The following NT5DC1 variants were observed in gnomAD, a reference collection of about 807,000 sequenced individuals.
The protein encoded by NT5DC1 is 5'-nucleotidase domain containing 1.
A neutral mutation model predicts 59.4 loss-of-function variants in NT5DC1; 42 were observed. The ratio of observed to expected loss-of-function variants is 0.71; its 90% confidence interval spans 0.55 to 0.92. The LOEUF is 0.92. NT5DC1 is among the 40% of genes least tolerant of loss of function. The probability of loss-of-function intolerance (pLI) is 0.00; values close to 1 mark genes in which losing one functional copy is unlikely to be tolerated. For synonymous variants in NT5DC1, 172 were observed against 188.1 expected (o/e 0.91, Z 0.70); for missense variants, 501 against 537.1 (o/e 0.93, Z 0.66).
intron 6 of NT5DC1, among the ~76,000 whole-genome samples, chr6:116,178,244 C>T (rs1401565698): frequency 6.6e-6 from 1 of 152,046 alleles, no homozygotes; most frequent in African/African-American, 2.4e-5. Flanking sequence ...CCTAGGGGAC[C>T]TCTCTCCCAT....
At chr6:116,182,769 G>T (rs550192750) in intron 6 of NT5DC1, among the ~76,000 whole-genome samples, 2 of 152,006 alleles carry the variant, frequency 1.3e-5, no homozygotes, top group East Asian at 1.9e-4. Context: ...TGAGTTCCTT[G>T]TAGAGTCTAG....
intron 6 of NT5DC1, among the ~76,000 whole-genome samples, chr6:116,189,527 G>A (rs767446105): frequency 3.9e-5 from 6 of 151,928 alleles, no homozygotes; most frequent in Non-Finnish European, 5.9e-5. Flanking sequence ...AGACACAAAT[G>A]AACATATAAA....
chr6:116,110,464 G>A (rs572472079), intron 3 of NT5DC1, among the ~76,000 whole-genome samples: 2 of 152,202 alleles, frequency 1.3e-5, no homozygotes, highest in South Asian at 4.1e-4. Flanking sequence ...TTTGACTCTG[G>A]TACCTACTGC....
intron 6 of NT5DC1, 70 bp from the exon 7 acceptor site, chr6:116,220,984 C>A: frequency 1.3e-6 from 1 of 748,048 alleles, no homozygotes; most frequent in Non-Finnish European, 2.2e-6. Flanking sequence ...AAGAGATTAA[C>A]TTGTTAGAGA....
At position 116,118,093 on chromosome 6, in the gene NT5DC1, A is replaced by G. The variant is rs575481499; in HGVS notation, c.529+148A>G. The G allele has an allele frequency of 1.3e-5, 9 of 671,922 alleles. No homozygotes were observed. In the East Asian group the frequency reaches 2.5e-4, roughly 19 times the overall value. The allele number at this position is 671,922 out of a possible 1,614,324, so 41.6% of individuals were successfully genotyped here. On this transcript the variant is annotated intron_variant, in intron 6 of 11. Coordinates refer to ENST00000319550, the MANE Select transcript of NT5DC1 (RefSeq NM_152729.3). ...TTATTATAAAGTTGGTTCTGACTAC[A>G]TTTTCAGAAGTCCTTTTATTTGTGC...
intron 6 of NT5DC1, among the ~76,000 whole-genome samples, chr6:116,178,052 A>AGTGTGTGTGTGTGTGTGT (rs61085607): frequency 6.2e-4 from 85 of 136,404 alleles, no homozygotes; most frequent in African/African-American, 1.0e-3. Flanking sequence ...CAAAGAGGAA[A>AGTGTGTGTGTGTGTGTGT]GTGTGTGTGT....
In NT5DC1 at chr6:116,210,146, C is replaced by T. The variant is rs543260484; in HGVS notation, c.530-10908C>T. 3.3e-5 allele frequency among the ~76,000 whole-genome samples: 5 copies of T among 151,846 alleles called. No homozygotes were observed. The East Asian group carries it at 7.8e-4, about 24-fold the overall frequency. On this transcript the variant is annotated intron_variant, in intron 6 of 11. Coordinates refer to ENST00000319550, the MANE Select transcript of NT5DC1 (RefSeq NM_152729.3). ...ATGCATATTGATGGATACTTTTTTCCTCTGCAGAAATCTAATTTGGTGTTT... is the reference window on the plus strand; with the variant it reads ...ATGCATATTGATGGATACTTTTTTCTTCTGCAGAAATCTAATTTGGTGTTT...
At chr6:116,192,583 G>A (rs1290337543) in intron 6 of NT5DC1, among the ~76,000 whole-genome samples, 1 of 151,940 alleles carries the variant, frequency 6.6e-6, no homozygotes. Context: ...TTGATATAAA[G>A]TCAAAAATCA....
intron 6 of NT5DC1, among the ~76,000 whole-genome samples, chr6:116,129,955 T>G (rs1726032860): frequency 6.6e-6 from 1 of 151,954 alleles, no homozygotes; most frequent in Admixed American, 6.6e-5. Context: ...ACAAATACAT[T>G]TTTTGGCAAG....
At chr6:116,102,978 C>G (rs373338365) in intron 1 of NT5DC1, among the ~76,000 whole-genome samples, 3 of 152,204 alleles carry the variant, frequency 2.0e-5, no homozygotes, top group African/African-American at 7.2e-5. Flanking sequence ...CTTAGGAAGT[C>G]TTTTTGGCCC....
Position 116,163,140 on chromosome 6 carries a change from A to AT in NT5DC1, c.529+45195_529+45196insT, listed in dbSNP as rs1216295769. 3.4e-3 allele frequency among the ~76,000 whole-genome samples: 408 copies of AT among 120,646 alleles called. 2 individuals are homozygous for AT. Among genetic ancestry groups the AT allele is most frequent in the East Asian group, 0.015 (67 of 4,450 alleles). The allele number at this position is 120,646 out of a possible 152,430, so 79.1% of individuals were successfully genotyped here. On this transcript the variant is annotated intron_variant, in intron 6 of 11. Coordinates refer to ENST00000319550, the MANE Select transcript of NT5DC1 (RefSeq NM_152729.3). ...AGACTCCGTCTCAAAAAAAAAAAAA[A>AT]AATATATATATATATATATATATTA... is the stretch of plus-strand genomic sequence containing the variant.
rs764118942 is a variant in NT5DC1 at position 116,110,970 on chromosome 6, G to A, written c.364+14G>A. ...CTTGCCGCTCAGGTATGACTCAAAT[G>A]AGGCAGCTCCACCATCCGCTCCCTG... On this transcript the variant is annotated intron_variant, in intron 4 of 11. Coordinates refer to ENST00000319550, the MANE Select transcript of NT5DC1 (RefSeq NM_152729.3). The A allele has an allele frequency of 6.5e-7, 1 of 1,539,784 alleles. No individual in the cohort carries two copies. The highest frequency in any genetic ancestry group is 1.7e-5 in the Admixed American group (1 of 59,898).
At chr6:116,232,937 C>T (rs547182038) in intron 8 of NT5DC1, among the ~76,000 whole-genome samples, 4 of 152,164 alleles carry the variant, frequency 2.6e-5, no homozygotes, top group African/African-American at 9.6e-5. Flanking sequence ...TTTATCCAAC[C>T]TTCATTTGTT....
chr6:116,174,233 C>T (rs758868371), intron 6 of NT5DC1, among the ~76,000 whole-genome samples: 7 of 152,142 alleles, frequency 4.6e-5, no homozygotes, highest in South Asian at 2.1e-4. Flanking sequence ...TTGCATACTC[C>T]GTTTTTTGAA....
At chr6:116,201,730 C>T (rs183320382) in intron 6 of NT5DC1, among the ~76,000 whole-genome samples, 69 of 152,070 alleles carry the variant, frequency 4.5e-4, no homozygotes, top group Non-Finnish European at 5.7e-4. Flanking sequence ...GACATGCAGC[C>T]GAAAGAAACA....
intron 6 of NT5DC1, among the ~76,000 whole-genome samples, chr6:116,188,622 G>C (rs1389415252): frequency 1.3e-5 from 2 of 151,702 alleles, no homozygotes; most frequent in Non-Finnish European, 2.9e-5. Flanking sequence ...AGCCAGAAAA[G>C]TAAGGATGTA....
intron 6 of NT5DC1, among the ~76,000 whole-genome samples, chr6:116,128,891 TTTG>T (rs1207098317): frequency 6.6e-6 from 1 of 152,170 alleles, no homozygotes; most frequent in Non-Finnish European, 1.5e-5. Context: ...TACATTGGTT[TTTG>T]TTATTTGTGT....
intron 6 of NT5DC1, chr6:116,121,977 A>G: frequency 6.2e-7 from 1 of 1,606,174 alleles, no homozygotes; most frequent in South Asian, 1.1e-5. Context: ...AGACACACCC[A>G]ACACACCCAC....
intron 8 of NT5DC1, among the ~76,000 whole-genome samples, chr6:116,233,552 C>T (rs1365882032): frequency 6.6e-6 from 1 of 152,166 alleles, no homozygotes; most frequent in Non-Finnish European, 1.5e-5. Context: ...TACCATGGGA[C>T]ACATTCAGGT....
Sources: gnomAD v4.1 joint callset for allele counts (sites outside exome capture counted in the v4.1 genomes callset) on GRCh38, gnomAD v4.1.1 for gene constraint, MANE v1.5 for transcripts, NCBI Gene and HGNC (gene_info 2026-07-23, HGNC 2026-07-21) for gene names.